The following MARK3 variants were observed in gnomAD, a reference collection of about 807,000 sequenced individuals.
MARK3 encodes the protein microtubule affinity regulating kinase 3.
MARK3 carries 46 observed loss-of-function variants against 90.1 expected under a neutral mutation model. That is an observed-to-expected ratio of 0.51 (90% confidence interval 0.40 to 0.65). MARK3 has a LOEUF of 0.65. Ranked by LOEUF, MARK3 falls within the 30% of genes least tolerant of loss-of-function variation. The pLI is 0.00. For missense variants in MARK3, 818 were observed against 947.2 expected (o/e 0.86, Z 1.79); for synonymous variants, 321 against 332.6 (o/e 0.97, Z 0.38).
chr14:103,426,639 A>G (rs1057356916), intron 2 of MARK3, among the ~76,000 whole-genome samples: 1 of 152,118 alleles, frequency 6.6e-6, no homozygotes, highest in Non-Finnish European at 1.5e-5. Flanking sequence ...TGTCACTTCC[A>G]TTCTTTTTCC....
At chr14:103,474,063 A>T (rs1244958528) in intron 12 of MARK3, among the ~76,000 whole-genome samples, 2 of 151,714 alleles carry the variant, frequency 1.3e-5, no homozygotes, top group Non-Finnish European at 2.9e-5. Flanking sequence ...AAAAAAAAAA[A>T]ATTAGTTGGC....
chr14:103,412,637 T>C (rs920446671), intron 2 of MARK3: 3 of 980,538 alleles, frequency 3.1e-6, no homozygotes, highest in Non-Finnish European at 4.4e-6. Context: ...CTTCTGGGGG[T>C]CATAGTTCTT....
At chr14:103,466,138 A>C (rs2093497936) in intron 9 of MARK3, 47 bp downstream of exon 9, 1 of 1,603,530 alleles carries the variant, frequency 6.2e-7, no homozygotes. Context: ...GAGTCTTTAG[A>C]GTGACCTTAG....
In MARK3 at chr14:103,503,075, G is replaced by C; in HGVS notation, c.2110G>C (p.Asp704His). The change falls in exon 18 of 18, where the codon GAT (aspartate) becomes CAT (histidine). Residue 704 changes from aspartate to histidine, a missense_variant. Coordinates refer to ENST00000429436, the MANE Select transcript of MARK3 (RefSeq NM_001128918.3). ...ERFLLFCVHG[D>H]GHAENLVQWE... ...CTTCTTGCTCTTCTGCGTCCACGGAGATGGGCACGCGGAGAACCTCGTGCA... is the reference window on the plus strand; with the variant it reads ...CTTCTTGCTCTTCTGCGTCCACGGACATGGGCACGCGGAGAACCTCGTGCA... 1.2e-6 allele frequency: 2 copies of C among 1,614,248 alleles called. No individual in the cohort carries two copies. The highest frequency in any genetic ancestry group is 1.6e-4 in the Middle Eastern group (1 of 6,062).
intron 2 of MARK3, among the ~76,000 whole-genome samples, chr14:103,419,115 C>T (rs1198733437): frequency 3.3e-5 from 5 of 152,008 alleles, no homozygotes; most frequent in African/African-American, 7.2e-5. Context: ...GGTGAAACCC[C>T]GTCTCTACTA....
chr14:103,500,374 G>C (rs1443928652), intron 17 of MARK3, among the ~76,000 whole-genome samples, 174 bp downstream of exon 17: 1 of 152,242 alleles, frequency 6.6e-6, no homozygotes, highest in Non-Finnish European at 1.5e-5. Context: ...TCCAGATCCA[G>C]CTTGGCCTCC....
chr14:103,425,257 T>C (rs1263141707), intron 2 of MARK3, among the ~76,000 whole-genome samples: 1 of 149,628 alleles, frequency 6.7e-6, no homozygotes, highest in Non-Finnish European at 1.5e-5. Context: ...TTATTATTTA[T>C]TTATTTATTT....
Position 103,385,879 on chromosome 14 carries a change from G to C in MARK3, c.-151G>C, listed in dbSNP as rs2140399268. The C allele has an allele frequency of 3.3e-6, 2 of 609,720 alleles. No homozygotes were observed. Among genetic ancestry groups the C allele is most frequent in the East Asian group, 2.9e-5 (1 of 34,194 alleles). The allele number at this position is 609,720 out of a possible 1,614,324, so 37.8% of individuals were successfully genotyped here. On this transcript the variant is annotated 5_prime_UTR_variant, in exon 1 of 18. Coordinates refer to ENST00000429436, the MANE Select transcript of MARK3 (RefSeq NM_001128918.3). ...CCGGGGGACGGCCCGGGCCAGGCCC[G>C]GGATCTAGACGGCCGTAGGGGGAAG... is the stretch of plus-strand genomic sequence containing the variant.
At chr14:103,492,072 T>C (rs1345552183) in intron 15 of MARK3, 38 bp downstream of exon 15, 1 of 1,598,486 alleles carries the variant, frequency 6.3e-7, no homozygotes, top group Non-Finnish European at 8.5e-7. Flanking sequence ...AGTGAACACA[T>C]AGAGCAAAAG....
chr14:103,459,617 A>C (rs569024222), intron 6 of MARK3, among the ~76,000 whole-genome samples: 2 of 152,024 alleles, frequency 1.3e-5, no homozygotes, highest in Non-Finnish European at 2.9e-5. Context: ...CTCCTGCCTC[A>C]GCCTCCCAAG....
intron 14 of MARK3, among the ~76,000 whole-genome samples, chr14:103,484,829 G>A (rs1029892716): frequency 6.6e-6 from 1 of 151,914 alleles, no homozygotes; most frequent in East Asian, 1.9e-4. Context: ...GCTGAGGCAG[G>A]AGAATCACTT....
chr14:103,468,903 A>T (rs2093571578), intron 12 of MARK3, among the ~76,000 whole-genome samples: 1 of 151,258 alleles, frequency 6.6e-6, no homozygotes, highest in Non-Finnish European at 1.5e-5. Context: ...TGCTAGGATT[A>T]CAGACGTGAG....
intron 2 of MARK3, among the ~76,000 whole-genome samples, chr14:103,425,154 AT>A (rs2092358921): frequency 6.6e-6 from 1 of 150,478 alleles, no homozygotes; most frequent in Non-Finnish European, 1.5e-5. Flanking sequence ...GTTGGCCAGG[AT>A]GGTCTTTGTC....
At position 103,466,011 on chromosome 14, in the gene MARK3, C is replaced by T; in HGVS notation, c.817C>T (p.Pro273Ser). The T allele has an allele frequency of 6.2e-7, 1 of 1,613,852 alleles. No homozygotes were observed. The highest frequency in any genetic ancestry group is 8.5e-7 in the Non-Finnish European group (1 of 1,179,850). Residue 273 changes from proline to serine, a missense_variant, in exon 9 of 18, where the codon CCC becomes TCC. Pro to Ser is a moderately conservative substitution (Grantham distance 74). Transcript: ENST00000429436. ...ERVLRGKYRI[P>S]FYMSTDCENL... ...AGTATTAAGAGGGAAATACAGAATTCCCTTCTACATGTCTACAGACTGTGA... is the reference window on the plus strand; with the variant it reads ...AGTATTAAGAGGGAAATACAGAATTTCCTTCTACATGTCTACAGACTGTGA...
At chr14:103,403,090 G>A (rs1394550391) in intron 1 of MARK3, among the ~76,000 whole-genome samples, 1 of 149,520 alleles carries the variant, frequency 6.7e-6, no homozygotes, top group African/African-American at 2.5e-5. Context: ...GTACGAATAG[G>A]ATGACCCAAT....
At chr14:103,437,537 A>G (rs113024405) in intron 3 of MARK3, among the ~76,000 whole-genome samples, 29 of 152,304 alleles carry the variant, frequency 1.9e-4, no homozygotes, top group African/African-American at 5.1e-4. Context: ...GAGGATTCCA[A>G]TCTGCCTTCC....
chr14:103,418,599 T>G (rs2092064457), intron 2 of MARK3, among the ~76,000 whole-genome samples: 1 of 152,162 alleles, frequency 6.6e-6, no homozygotes, highest in African/African-American at 2.4e-5. Context: ...CCCGCCTGCC[T>G]TTTCATCTGT....
intron 14 of MARK3, among the ~76,000 whole-genome samples, chr14:103,483,705 G>T (rs968585457): frequency 1.3e-5 from 2 of 152,150 alleles, no homozygotes; most frequent in Non-Finnish European, 2.9e-5. Flanking sequence ...TAAACTGGTC[G>T]TGCTGAAGGC....
Position 103,479,332 on chromosome 14 carries a change from T to A in MARK3, c.1483-1055T>A, listed in dbSNP as rs74847160. ...ATAGGTGTTAGCCTCTGCACCTGGCTGTGTTTTCATTTTTCCTGGGTATAT... is the reference window on the plus strand; with the variant it reads ...ATAGGTGTTAGCCTCTGCACCTGGCAGTGTTTTCATTTTTCCTGGGTATAT... On this transcript the variant is annotated intron_variant, in intron 13 of 17. Transcript: ENST00000429436. 4.4e-3 allele frequency among the ~76,000 whole-genome samples: 677 copies of A among 152,248 alleles called. 2 individuals are homozygous for A. The highest frequency in any genetic ancestry group is 0.015 in the African/African-American group (642 of 41,544).
Sources: gnomAD v4.1 joint callset for allele counts (sites outside exome capture counted in the v4.1 genomes callset) on GRCh38, gnomAD v4.1.1 for gene constraint, MANE v1.5 for transcripts, NCBI Gene and HGNC (gene_info 2026-07-23, HGNC 2026-07-21) for gene names.